The following MAN1A1 variants were observed in gnomAD, a reference collection of about 807,000 sequenced individuals.
The protein encoded by MAN1A1 is mannosyl-oligosaccharide 1,2-alpha-mannosidase IA.
A neutral mutation model predicts 70.8 loss-of-function variants in MAN1A1; 29 were observed. The observed-to-expected ratio is 0.41, with a 90% CI of 0.31 to 0.56. MAN1A1 has a LOEUF of 0.56. Among genes scored for constraint, MAN1A1 ranks in the 20% least tolerant of loss-of-function variants. The pLI, the probability that MAN1A1 is intolerant of heterozygous loss-of-function variation, is 0.29. For missense variants in MAN1A1, 747 were observed against 841.3 expected (o/e 0.89, Z 1.39); for synonymous variants, 349 against 330.1 (o/e 1.06, Z -0.62).
At chr6:119,278,077 T>A (rs1490122915) in intron 5 of MAN1A1, among the ~76,000 whole-genome samples, 1 of 150,390 alleles carries the variant, frequency 6.6e-6, no homozygotes, top group Non-Finnish European at 1.5e-5. Context: ...GCCCAGGAGT[T>A]CAAGGATGCA....
At chr6:119,332,728 T>C (rs1021439236) in intron 2 of MAN1A1, among the ~76,000 whole-genome samples, 2 of 144,450 alleles carry the variant, frequency 1.4e-5, no homozygotes, top group African/African-American at 5.2e-5. Context: ...GAGGCTGCAG[T>C]GAGCTGAGAT....
intron 6 of MAN1A1, among the ~76,000 whole-genome samples, chr6:119,232,576 C>T (rs1774714438): frequency 6.6e-6 from 1 of 151,632 alleles, no homozygotes; most frequent in Admixed American, 6.6e-5. Context: ...TCCAATAGTT[C>T]CAAACTATTT....
intron 4 of MAN1A1, among the ~76,000 whole-genome samples, chr6:119,298,406 A>C (rs1772282360): frequency 6.6e-6 from 1 of 152,190 alleles, no homozygotes; most frequent in Admixed American, 6.5e-5. Flanking sequence ...AGTTAATTAC[A>C]GTATAAACCA....
At chr6:119,222,069 A>G (rs1262701422) in intron 6 of MAN1A1, among the ~76,000 whole-genome samples, 1 of 152,148 alleles carries the variant, frequency 6.6e-6, no homozygotes, top group Non-Finnish European at 1.5e-5. Context: ...AACAAAGAAC[A>G]TTACAAAGAA....
chr6:119,271,658 C>T (rs1039900070), intron 5 of MAN1A1, among the ~76,000 whole-genome samples: 5 of 151,988 alleles, frequency 3.3e-5, no homozygotes, highest in African/African-American at 1.2e-4. Context: ...CACCACTACA[C>T]CTAGCTATTT....
chr6:119,198,440 G>GT (rs1773631649), intron 8 of MAN1A1, among the ~76,000 whole-genome samples: 1 of 152,108 alleles, frequency 6.6e-6, no homozygotes. Context: ...TAGTCCTCTG[G>GT]TGGCCCTCAA....
Position 119,189,534 on chromosome 6 carries a change from T to A in MAN1A1, c.1546+130A>T, listed in dbSNP as rs544503741. 1.0e-5 allele frequency: 8 copies of A among 797,414 alleles called. No homozygotes were observed. The Admixed American group carries it at 1.7e-4, about 17-fold the overall frequency. 49.4% of individuals were successfully genotyped at this position (797,414 alleles called of 1,614,324 possible). Reference sequence around the variant, plus strand: ...CTTTTAAAATAAAATATACATTCCTTTGAGACATTAATCACGATCATCAAG... The same window carrying A: ...CTTTTAAAATAAAATATACATTCCTATGAGACATTAATCACGATCATCAAG... On this transcript the variant is annotated intron_variant, in intron 10 of 12. Transcript: ENST00000368468.
chr6:119,217,946 A>G (rs1184409804), intron 6 of MAN1A1, among the ~76,000 whole-genome samples: 1 of 152,214 alleles, frequency 6.6e-6, no homozygotes, highest in Non-Finnish European at 1.5e-5. Flanking sequence ...ACACTTTTCT[A>G]GGATAATTTT....
At chr6:119,196,253 A>G (rs1011388030) in intron 8 of MAN1A1, among the ~76,000 whole-genome samples, 1 of 152,016 alleles carries the variant, frequency 6.6e-6, no homozygotes, top group Non-Finnish European at 1.5e-5. Context: ...ATAAGAATAC[A>G]TTTGTTTTAA....
chr6:119,207,501 G>C (rs1773900663), intron 6 of MAN1A1, among the ~76,000 whole-genome samples: 1 of 152,182 alleles, frequency 6.6e-6, no homozygotes, highest in Admixed American at 6.5e-5. Flanking sequence ...GACATTAGAT[G>C]AGGACATGGG....
intron 11 of MAN1A1, among the ~76,000 whole-genome samples, chr6:119,181,970 T>C (rs1436357035): frequency 2.0e-5 from 3 of 152,238 alleles, no homozygotes; most frequent in Admixed American, 1.3e-4. Context: ...TTTTCCATAA[T>C]GGCTATATCA....
chr6:119,262,511 A>C (rs187782427), intron 5 of MAN1A1, among the ~76,000 whole-genome samples: 1 of 152,336 alleles, frequency 6.6e-6, no homozygotes, highest in African/African-American at 2.4e-5. Context: ...AGAAAAAGGA[A>C]TACTTACTCA....
intron 8 of MAN1A1, among the ~76,000 whole-genome samples, chr6:119,196,353 G>A (rs1004270215): frequency 2.7e-5 from 4 of 149,788 alleles, no homozygotes; most frequent in East Asian, 2.0e-4. Context: ...ACAAAGGAAC[G>A]TAGAAGAGAA....
chr6:119,342,011 A>C (rs1452840728), intron 2 of MAN1A1, among the ~76,000 whole-genome samples: 1 of 152,228 alleles, frequency 6.6e-6, no homozygotes. Context: ...CTCGACTGTG[A>C]CTACTCTGAA....
chr6:119,247,264 G>A (rs571419662), intron 6 of MAN1A1, among the ~76,000 whole-genome samples: 23 of 152,252 alleles, frequency 1.5e-4, no homozygotes, highest in African/African-American at 5.5e-4. Context: ...ATCGATGTGC[G>A]TATAGACATC....
intron 2 of MAN1A1, among the ~76,000 whole-genome samples, chr6:119,346,510 A>C (rs1773733608): frequency 6.6e-6 from 1 of 152,240 alleles, no homozygotes. Context: ...GAGCGGTTTC[A>C]AAACATCTAG....
chr6:119,271,339 A>C (rs930087828), intron 5 of MAN1A1, among the ~76,000 whole-genome samples: 5 of 152,198 alleles, frequency 3.3e-5, no homozygotes, highest in African/African-American at 1.2e-4. Flanking sequence ...AAAAAAAAAC[A>C]ATGTGATAAA....
intron 7 of MAN1A1, 147 bp downstream of exon 7, chr6:119,204,612 T>C: frequency 2.0e-6 from 2 of 978,506 alleles, no homozygotes; most frequent in South Asian, 3.1e-5. Context: ...TTTGGCTAAA[T>C]GAAATGCTGC....
chr6:119,299,007 T>C (rs1217108073), intron 4 of MAN1A1, among the ~76,000 whole-genome samples: 4 of 152,064 alleles, frequency 2.6e-5, no homozygotes, highest in African/African-American at 9.7e-5. Flanking sequence ...TACATGTTAT[T>C]TAGTATAATT....
Sources: allele counts gnomAD v4.1 joint callset (sites outside exome capture counted in the v4.1 genomes callset), GRCh38; gene constraint gnomAD v4.1.1; transcripts MANE v1.5; gene names NCBI Gene and HGNC (gene_info 2026-07-23, HGNC 2026-07-21).